The following UROS variants were observed in gnomAD, a reference collection of about 807,000 sequenced individuals.
The protein encoded by UROS is uroporphyrinogen III synthase, also known as uroporphyrinogen-III synthase.
Under a neutral mutation model 33.0 loss-of-function variants are expected in UROS, and 18 were observed. The ratio of observed to expected loss-of-function variants is 0.55; its 90% confidence interval spans 0.38 to 0.81. The LOEUF is 0.81. Among genes scored for constraint, UROS ranks in the 30% least tolerant of loss-of-function variants. The probability of loss-of-function intolerance (pLI) is 0.00; values close to 1 mark genes in which losing one functional copy is unlikely to be tolerated. For missense variants in UROS, 293 were observed against 314.9 expected (o/e 0.93, Z 0.53); for synonymous variants, 114 against 121.1 (o/e 0.94, Z 0.38).
intron 5 of UROS, among the ~76,000 whole-genome samples, chr10:125,810,443 C>G (rs908706672): frequency 1.3e-5 from 2 of 152,110 alleles, no homozygotes; most frequent in East Asian, 1.9e-4. Context: ...TGGAAGCAGA[C>G]CCTCCCCTAA....
intron 6 of UROS, among the ~76,000 whole-genome samples, chr10:125,798,928 GA>G (rs1326115922): frequency 6.6e-6 from 1 of 152,184 alleles, no homozygotes; most frequent in Non-Finnish European, 1.5e-5. Context: ...CCCCAAATGT[GA>G]AAACACAGCA....
intron 6 of UROS, among the ~76,000 whole-genome samples, chr10:125,801,118 C>T (rs995306366): frequency 1.1e-4 from 16 of 152,272 alleles, no homozygotes; most frequent in Non-Finnish European, 1.6e-4. Flanking sequence ...AGAATCAGTT[C>T]GAGCAGACAG....
intron 6 of UROS, among the ~76,000 whole-genome samples, chr10:125,801,411 T>C (rs530421865): frequency 2.0e-5 from 3 of 152,366 alleles, no homozygotes; most frequent in East Asian, 3.9e-4. Flanking sequence ...AATGGATTAA[T>C]AGCTTTAAGC....
At chr10:125,794,088 G>C (rs1275374696) in intron 9 of UROS, 1 of 152,686 alleles carries the variant, frequency 6.5e-6, no homozygotes, top group East Asian at 1.9e-4. Flanking sequence ...AGCAGCTCCT[G>C]AGACCATGGC....
downstream of UROS, among the ~76,000 whole-genome samples, chr10:125,786,278 CT>C (rs751762144): frequency 7.4e-3 from 1,027 of 138,368 alleles, 1 homozygote; most frequent in Middle Eastern, 0.011. Flanking sequence ...GCACATGAAC[CT>C]TTTTTTTTTT....
chr10:125,803,556 G>A (rs1004839925), intron 6 of UROS, among the ~76,000 whole-genome samples: 4 of 152,238 alleles, frequency 2.6e-5, no homozygotes, highest in African/African-American at 9.6e-5. Flanking sequence ...AGGAACAAGA[G>A]AACTGGGTCC....
chr10:125,817,156 C>T (rs1398082600), intron 1 of UROS, among the ~76,000 whole-genome samples: 3 of 147,178 alleles, frequency 2.0e-5, no homozygotes, highest in African/African-American at 5.0e-5. Context: ...TTTTGGGTCT[C>T]GTTGGGTCAT....
intron 5 of UROS, 127 bp downstream of exon 5, chr10:125,812,087 T>C (rs1257960582): frequency 1.3e-6 from 1 of 789,986 alleles, no homozygotes; most frequent in Non-Finnish European, 2.1e-6. Context: ...AGTAGTATCG[T>C]ATACTTAATT....
At chr10:125,794,697 G>T (rs553466057) in intron 9 of UROS, among the ~76,000 whole-genome samples, 183 bp downstream of exon 9, 1 of 152,058 alleles carries the variant, frequency 6.6e-6, no homozygotes, top group African/African-American at 2.4e-5. Context: ...GTGAGGAAAC[G>T]GGCTGGGAGA....
At chr10:125,805,833 C>T (rs186292333) in intron 6 of UROS, among the ~76,000 whole-genome samples, 1 of 152,080 alleles carries the variant, frequency 6.6e-6, no homozygotes, top group Admixed American at 6.5e-5. Context: ...TAGTCTTCAA[C>T]GTTAACACCG....
intron 7 of UROS, among the ~76,000 whole-genome samples, chr10:125,797,294 C>A (rs1224274874): frequency 6.6e-6 from 1 of 152,186 alleles, no homozygotes. Context: ...CTTTGGAGAA[C>A]AAGGTGTCAT....
chr10:125,799,826 A>G (rs554024173), intron 6 of UROS, among the ~76,000 whole-genome samples: 112 of 152,296 alleles, frequency 7.4e-4, no homozygotes, highest in African/African-American at 2.5e-3. Flanking sequence ...TGGTGAGGAG[A>G]GATCTACAAC....
intron 6 of UROS, among the ~76,000 whole-genome samples, chr10:125,804,979 T>A (rs956173280): frequency 6.6e-6 from 1 of 152,204 alleles, no homozygotes; most frequent in African/African-American, 2.4e-5. Flanking sequence ...TGGGTAAACA[T>A]CTGCCGAACC....
At chr10:125,821,117 C>T (rs1853837965) in intron 1 of UROS, among the ~76,000 whole-genome samples, 7 of 152,186 alleles carry the variant, frequency 4.6e-5, no homozygotes, top group Admixed American at 4.6e-4. Flanking sequence ...ACCATATGAT[C>T]TAGCAATTCC....
intron 6 of UROS, among the ~76,000 whole-genome samples, chr10:125,805,126 C>G (rs1852208881): frequency 1.3e-5 from 2 of 152,208 alleles, no homozygotes; most frequent in African/African-American, 4.8e-5. Flanking sequence ...AAGGAGTGCA[C>G]AGGCTCAGGA....
In UROS at chr10:125,807,434, G is replaced by C. The variant is rs1287502685; in HGVS notation, c.373C>G (p.Leu125Val). Residue 125 changes from leucine (L) to valine (V), a missense_variant, in exon 6 of 10, where the codon CTT becomes GTT. Coordinates refer to ENST00000368797, the MANE Select transcript of UROS (RefSeq NM_000375.3). ...TTACTGGAACAAATATATTCTGCAAGCTTTTCTGCATTTCCACAGGTTTCT... is the reference window on the plus strand; with the variant it reads ...TTACTGGAACAAATATATTCTGCAACCTTTTCTGCATTTCCACAGGTTTCT... ...EGETCGNAEK[L>V]AEYICSRESS... The C allele has an allele frequency of 3.1e-6, 5 of 1,614,054 alleles. No homozygotes were observed. The highest frequency in any genetic ancestry group is 4.2e-6 in the Non-Finnish European group (5 of 1,179,996).
chr10:125,785,767 C>T (rs1482341226), downstream of UROS: 1 of 152,258 alleles, frequency 6.6e-6, no homozygotes, highest in Non-Finnish European at 1.5e-5. Context: ...TTTACTTTGG[C>T]TCTCAAATTC....
intron 7 of UROS, chr10:125,796,726 A>C (rs1251145984): frequency 2.2e-6 from 2 of 917,030 alleles, no homozygotes; most frequent in African/African-American, 1.8e-5. Context: ...CCATTCAGCG[A>C]CTCTGAATAT....
chr10:125,816,737 CA>C, intron 1 of UROS: 1 of 594,794 alleles, frequency 1.7e-6, no homozygotes, highest in Non-Finnish European at 3.0e-6. Context: ...CAGTTGATAT[CA>C]CTTGGAAAGA....
Sources: allele counts gnomAD v4.1 joint callset (sites outside exome capture counted in the v4.1 genomes callset), GRCh38; gene constraint gnomAD v4.1.1; transcripts MANE v1.5; gene names NCBI Gene and HGNC (gene_info 2026-07-23, HGNC 2026-07-21).